The following PPP1R12B variants were observed in gnomAD, a reference collection of about 807,000 sequenced individuals.
The protein encoded by PPP1R12B is protein phosphatase 1 regulatory subunit 12B.
A neutral mutation model predicts 126.1 loss-of-function variants in PPP1R12B; 76 were observed. That is an observed-to-expected ratio of 0.60 (90% CI 0.50 to 0.73). The LOEUF (loss-of-function observed/expected upper bound fraction) is 0.73. Among genes scored for constraint, PPP1R12B ranks in the 30% least tolerant of loss-of-function variants. The pLI is 0.00. For missense variants in PPP1R12B, 1,052 were observed against 1,205.1 expected, an observed-to-expected ratio of 0.87 and a Z score of 1.88; for synonymous variants, 356 against 434.7, an observed-to-expected ratio of 0.82 and a Z score of 2.25.
intron 1 of PPP1R12B, among the ~76,000 whole-genome samples, chr1:202,385,396 AAT>A (rs1662959299): frequency 6.6e-6 from 1 of 152,208 alleles, no homozygotes; most frequent in African/African-American, 2.4e-5. Flanking sequence ...TTTAAAAAGA[AAT>A]ATCTAAATTC....
At chr1:202,531,627 A>G (rs1354149480) in intron 18 of PPP1R12B, among the ~76,000 whole-genome samples, 1 of 152,204 alleles carries the variant, frequency 6.6e-6, no homozygotes, top group South Asian at 2.1e-4. Context: ...CCTGTTCCAA[A>G]AGGAGGAACA....
chr1:202,551,094 T>A (rs1686268083), intron 18 of PPP1R12B, among the ~76,000 whole-genome samples: 1 of 152,222 alleles, frequency 6.6e-6, no homozygotes, highest in African/African-American at 2.4e-5. Flanking sequence ...TAAAATATAG[T>A]GATATGTGCT....
rs149114045 is a variant in PPP1R12B at position 202,441,141 on chromosome 1, A to G, written c.1541+353A>G. Reference sequence around the variant, plus strand: ...TAGCACAGTGCCTAACACATAGTAAACACTAAAATAATGTTATTTAATTAA... The same window carrying G: ...TAGCACAGTGCCTAACACATAGTAAGCACTAAAATAATGTTATTTAATTAA... On this transcript the variant is annotated intron_variant, in intron 11 of 23. Coordinates refer to ENST00000608999, the MANE Select transcript of PPP1R12B (RefSeq NM_002481.4). 9.4e-3 allele frequency among the ~76,000 whole-genome samples: 1,429 copies of G among 152,266 alleles called. 8 individuals are homozygous for G. Among genetic ancestry groups the G allele is most frequent in the Non-Finnish European group, 0.015 (1,049 of 68,020 alleles).
At chr1:202,424,181 G>T (rs1390164929) in intron 3 of PPP1R12B, among the ~76,000 whole-genome samples, 1 of 152,052 alleles carries the variant, frequency 6.6e-6, no homozygotes, top group African/African-American at 2.4e-5. Flanking sequence ...TGTTGAAAGG[G>T]GTATTCATAT....
chr1:202,519,384 C>T (rs1682518371), intron 18 of PPP1R12B, among the ~76,000 whole-genome samples: 1 of 152,048 alleles, frequency 6.6e-6, no homozygotes, highest in African/African-American at 2.4e-5. Flanking sequence ...CATGCCTCCA[C>T]CTCCTGAGTA....
At chr1:202,491,567 AT>A (rs1678896006) in intron 14 of PPP1R12B, among the ~76,000 whole-genome samples, 1 of 152,212 alleles carries the variant, frequency 6.6e-6, no homozygotes, top group Non-Finnish European at 1.5e-5. Flanking sequence ...GAATAAAAAA[AT>A]GAGTGGGAAA....
chr1:202,424,721 A>C (rs1669272676), intron 3 of PPP1R12B, among the ~76,000 whole-genome samples: 1 of 152,088 alleles, frequency 6.6e-6, no homozygotes, highest in African/African-American at 2.4e-5. Flanking sequence ...GGGACATTTT[A>C]TTATTTTGTA....
At chr1:202,434,825 AT>A in intron 9 of PPP1R12B, 57 bp downstream of exon 9, 1 of 1,594,882 alleles carries the variant, frequency 6.3e-7, no homozygotes, top group Non-Finnish European at 8.5e-7. Context: ...AGTAGCACAC[AT>A]CTAGAAAGGC....
chr1:202,478,878 A>G (rs1402835999), intron 13 of PPP1R12B, among the ~76,000 whole-genome samples: 1 of 152,214 alleles, frequency 6.6e-6, no homozygotes, highest in Non-Finnish European at 1.5e-5. Flanking sequence ...CATTCAAAAA[A>G]ACTCTCTAGA....
chr1:202,348,886 C>A lies in PPP1R12B; in HGVS notation c.35C>A (p.Ala12Glu). 2 of 1,610,676 alleles carry A rather than the reference C, an allele frequency of 1.2e-6. No individual in the cohort carries two copies. Among genetic ancestry groups the A allele is most frequent in the Non-Finnish European group, 1.7e-6 (2 of 1,179,272 alleles). The change falls in exon 1 of 24, where the codon GCA becomes GAA. Residue 12 changes from alanine to glutamate, a missense_variant. Physicochemically the swap from Ala to Glu is moderately radical, Grantham distance 107 (BLOSUM62 -1). Transcript: ENST00000608999. ...AELEHLGGKR[A>E]ESARMRRAEQ... ...CTGGAGCACCTAGGAGGGAAGCGGG[C>A]AGAGTCGGCGCGAATGCGGCGGGCA...
intron 10 of PPP1R12B, chr1:202,438,857 C>A (rs1671206907): frequency 8.6e-7 from 1 of 1,162,098 alleles, no homozygotes; most frequent in Non-Finnish European, 1.3e-6. Flanking sequence ...CTGCTGACTC[C>A]ATCTACTGCT....
At chr1:202,519,262 T>G (rs576753828) in intron 18 of PPP1R12B, among the ~76,000 whole-genome samples, 1 of 151,382 alleles carries the variant, frequency 6.6e-6, no homozygotes, top group Non-Finnish European at 1.5e-5. Context: ...ATTAAAAAAT[T>G]TTTTTTTTTC....
chr1:202,579,797 G>C (rs1185584981), intron 23 of PPP1R12B, among the ~76,000 whole-genome samples: 1 of 152,134 alleles, frequency 6.6e-6, no homozygotes, highest in Non-Finnish European at 1.5e-5. Context: ...GGGGAGCTTT[G>C]GGGAGGATTA....
chr1:202,514,996 C>T (rs1309526605), intron 18 of PPP1R12B, among the ~76,000 whole-genome samples: 1 of 152,146 alleles, frequency 6.6e-6, no homozygotes, highest in Non-Finnish European at 1.5e-5. Context: ...TTTGTGGGAA[C>T]AAGGATGGAG....
At chr1:202,452,487 C>G (rs1306659601) in intron 13 of PPP1R12B, among the ~76,000 whole-genome samples, 1 of 151,854 alleles carries the variant, frequency 6.6e-6, no homozygotes, top group East Asian at 1.9e-4. Flanking sequence ...TGCAGTGAGC[C>G]GAGATGGCAG....
chr1:202,572,238 T>C lies in PPP1R12B; in HGVS notation c.2862+3041T>C, dbSNP rs185224203. 6.7e-4 allele frequency among the ~76,000 whole-genome samples: 102 copies of C among 152,340 alleles called. No homozygotes were observed. The South Asian group carries it at 0.011, about 17-fold the overall frequency. On this transcript the variant is annotated intron_variant, in intron 23 of 23. Coordinates refer to ENST00000608999, the MANE Select transcript of PPP1R12B (RefSeq NM_002481.4). The stretch of plus-strand genomic sequence containing the variant: ...AGTAGAGCTTGGGGCCAGTTGGTCA[T>C]GCTTGTTGCATATTCATTTTGTACA...
intron 18 of PPP1R12B, among the ~76,000 whole-genome samples, chr1:202,506,900 GC>G (rs1680872474): frequency 6.6e-6 from 1 of 152,206 alleles, no homozygotes; most frequent in South Asian, 2.1e-4. Context: ...AGGGAATACA[GC>G]GATGGGGGAT....
chr1:202,520,782 A>G (rs1336310890), intron 18 of PPP1R12B, among the ~76,000 whole-genome samples: 1 of 152,230 alleles, frequency 6.6e-6, no homozygotes, highest in Non-Finnish European at 1.5e-5. Context: ...CCTCTCATTC[A>G]AAAACAGAGA....
intron 18 of PPP1R12B, among the ~76,000 whole-genome samples, chr1:202,498,614 C>G (rs1679846192): frequency 6.6e-6 from 1 of 152,198 alleles, no homozygotes; most frequent in Non-Finnish European, 1.5e-5. Context: ...ATGCCATTAT[C>G]TATATGGGCC....
Sources: allele counts gnomAD v4.1 joint callset (sites outside exome capture counted in the v4.1 genomes callset), GRCh38; gene constraint gnomAD v4.1.1; transcripts MANE v1.5; gene names NCBI Gene and HGNC (gene_info 2026-07-23, HGNC 2026-07-21).